Variants in SNX8 observed in about 807,000 individuals in gnomAD.
SNX8 encodes the protein sorting nexin-8.
In SNX8, 25 loss-of-function variants were observed where a neutral mutation model predicts 51.6. That is an observed-to-expected ratio of 0.48 (90% CI 0.35 to 0.68). The LOEUF (loss-of-function observed/expected upper bound fraction) is 0.68, where lower values mean the gene tolerates loss of function less well. SNX8 is among the 30% of genes least tolerant of loss of function. The probability of loss-of-function intolerance (pLI) is 0.00; values close to 1 mark genes in which losing one functional copy is unlikely to be tolerated. For synonymous variants in SNX8, 324 were observed against 277.0 expected (o/e 1.17, Z -1.68); for missense variants, 695 against 624.0 (o/e 1.11, Z -1.21).
upstream of SNX8, among the ~76,000 whole-genome samples, chr7:2,319,398 G>A (rs138815464): frequency 0.016 from 2,391 of 152,240 alleles, 37 homozygotes; most frequent in Non-Finnish European, 0.027. Context: ...GGTGGCTCAC[G>A]CCTGTAATCC....
intron 1 of SNX8, among the ~76,000 whole-genome samples, chr7:2,285,213 A>C (rs1387957870): frequency 7.6e-5 from 11 of 144,516 alleles, no homozygotes; most frequent in African/African-American, 2.6e-4. Context: ...CTCCGTCTCA[A>C]AAAAAAAAAA....
At chr7:2,291,429 C>G (rs559755085) in intron 1 of SNX8, among the ~76,000 whole-genome samples, 1 of 152,186 alleles carries the variant, frequency 6.6e-6, no homozygotes, top group Non-Finnish European at 1.5e-5. Context: ...GAAACCCTGT[C>G]TCTACTAAAA....
intron 1 of SNX8, among the ~76,000 whole-genome samples, chr7:2,326,579 T>A (rs1778625948): frequency 6.6e-6 from 1 of 151,722 alleles, no homozygotes; most frequent in Non-Finnish European, 1.5e-5. Context: ...GGCAGGAGAA[T>A]GGCTTGAACC....
At chr7:2,267,722 C>A (rs1414306045) in intron 5 of SNX8, among the ~76,000 whole-genome samples, 1 of 148,960 alleles carries the variant, frequency 6.7e-6, no homozygotes, top group Admixed American at 6.7e-5. Flanking sequence ...GCAGCCTCTG[C>A]CCGGCCGCCA....
chr7:2,275,242 G>A lies in SNX8; in HGVS notation c.301-13C>T, dbSNP rs1415420423. ...AGGACTTGAAGCGCTGCAAGAGAAG[G>A]GTCGGTGCTTAGATCCGACGTTGGA... On this transcript the variant is annotated splice_polypyrimidine_tract_variant and intron_variant, in intron 2 of 10. Coordinates refer to ENST00000222990, the MANE Select transcript of SNX8 (RefSeq NM_013321.4). 6.3e-7 allele frequency: 1 copy of A among 1,578,748 alleles called. No individual in the cohort carries two copies. Among genetic ancestry groups the A allele is most frequent in the Non-Finnish European group, 8.7e-7 (1 of 1,147,844 alleles).
At chr7:2,295,757 G>A (rs1796260350) in intron 1 of SNX8, among the ~76,000 whole-genome samples, 1 of 152,072 alleles carries the variant, frequency 6.6e-6, no homozygotes, top group African/African-American at 2.4e-5. Context: ...GTTGATTTTT[G>A]CATATGGTGA....
chr7:2,346,503 T>C (rs544939335), intron 1 of SNX8, among the ~76,000 whole-genome samples: 5 of 149,480 alleles, frequency 3.3e-5, no homozygotes, highest in African/African-American at 1.2e-4. Flanking sequence ...ATCCCAGCAC[T>C]TTGGGAGGCC....
intron 7 of SNX8, among the ~76,000 whole-genome samples, chr7:2,261,645 G>A (rs1272983121): frequency 6.6e-6 from 1 of 152,160 alleles, no homozygotes. Context: ...CCTGGGGGGA[G>A]TGGGCACACA....
chr7:2,262,505 G>A (rs918694418), intron 7 of SNX8, among the ~76,000 whole-genome samples: 3 of 105,652 alleles, frequency 2.8e-5, no homozygotes, highest in Admixed American at 1.9e-4. Flanking sequence ...TGTGTGGAGC[G>A]GGAGGTGGGA....
At chr7:2,326,296 C>A (rs949825770) in intron 1 of SNX8, among the ~76,000 whole-genome samples, 1 of 151,728 alleles carries the variant, frequency 6.6e-6, no homozygotes, top group African/African-American at 2.4e-5. Context: ...ACCAGGGAGG[C>A]GGAGGTTGCA....
At chr7:2,274,991 TTC>T in intron 3 of SNX8, 119 bp downstream of exon 3, 1 of 578,468 alleles carries the variant, frequency 1.7e-6, no homozygotes, top group South Asian at 1.7e-5. Context: ...AGGCTGGAGT[TTC>T]CCCCGCAGCC....
intron 1 of SNX8, among the ~76,000 whole-genome samples, chr7:2,327,889 G>C (rs980752618): frequency 2.6e-5 from 4 of 151,740 alleles, no homozygotes; most frequent in African/African-American, 9.7e-5. Context: ...TCGAAACAAG[G>C]TCCCCATTTG....
chr7:2,259,731 T>TGCCCAGCTCCC (rs1795291048), intron 7 of SNX8, among the ~76,000 whole-genome samples: 1 of 152,108 alleles, frequency 6.6e-6, no homozygotes, highest in Non-Finnish European at 1.5e-5. Flanking sequence ...TGACCGCAGG[T>TGCCCAGCTCCC]GCCCAGCTCC....
intron 9 of SNX8, 69 bp downstream of exon 9, chr7:2,257,296 G>T: frequency 1.3e-6 from 2 of 1,529,766 alleles, no homozygotes; most frequent in South Asian, 2.5e-5. Context: ...CACCAGGACG[G>T]CTCCGGGTCC....
At chr7:2,276,485 A>G (rs552515049) in intron 2 of SNX8, among the ~76,000 whole-genome samples, 7 of 152,294 alleles carry the variant, frequency 4.6e-5, no homozygotes, top group Middle Eastern at 3.4e-3. Context: ...AGCAGAGCAG[A>G]CGGCAGGGAG....
In SNX8 at chr7:2,329,296, T is replaced by A. The variant is rs867555060; in HGVS notation, c.-66+24926A>T. Among the ~76,000 whole-genome samples, 26 of 150,240 alleles carry A rather than the reference T, an allele frequency of 1.7e-4. 1 individual carries two copies. In the Middle Eastern group the frequency reaches 0.01, roughly 59 times the overall value. On this transcript the variant is annotated intron_variant, in intron 1 of 5. Transcript: ENST00000435336. ...AAAAATAAATAAATAAAAATAAAAATAAAAAATAAATAAATAAAAATAAAA... is the reference window on the plus strand; with the variant it reads ...AAAAATAAATAAATAAAAATAAAAAAAAAAAATAAATAAATAAAAATAAAA...
chr7:2,292,616 T>G (rs1796176638), intron 1 of SNX8, among the ~76,000 whole-genome samples: 2 of 152,120 alleles, frequency 1.3e-5, no homozygotes, highest in African/African-American at 4.8e-5. Context: ...TTTCACCATG[T>G]TGGCCAGGAT....
At chr7:2,292,706 C>A (rs1242037634) in intron 1 of SNX8, among the ~76,000 whole-genome samples, 1 of 152,052 alleles carries the variant, frequency 6.6e-6, no homozygotes, top group East Asian at 1.9e-4. Context: ...CCACTGTGCC[C>A]GGCCCAGGCA....
In SNX8 at chr7:2,308,230, A is replaced by G. The variant is rs114327645; in HGVS notation, c.94+6098T>C. Among the ~76,000 whole-genome samples the G allele has an allele frequency of 5.5e-3, 833 of 152,330 alleles. 4 individuals are homozygous for G. The highest frequency in any genetic ancestry group is 0.019 in the African/African-American group (784 of 41,576). On this transcript the variant is annotated intron_variant, in intron 1 of 10. Coordinates refer to ENST00000222990, the MANE Select transcript of SNX8 (RefSeq NM_013321.4). ...TCTGCTACATAGCAGATAGTATTCT[A>G]GATACTGTGGTTAAAGAAAAATAGG...
Sources: allele counts gnomAD v4.1 joint callset (sites outside exome capture counted in the v4.1 genomes callset), GRCh38; gene constraint gnomAD v4.1.1; transcripts MANE v1.5; gene names NCBI Gene and HGNC (gene_info 2026-07-23, HGNC 2026-07-21).